VPS41: variants seen among roughly 807,000 people sequenced by gnomAD.
VPS41 encodes the protein vacuolar protein sorting-associated protein 41 homolog.
A neutral mutation model predicts 130.9 loss-of-function variants in VPS41; 85 were observed. The ratio of observed to expected loss-of-function variants is 0.65; its 90% confidence interval spans 0.55 to 0.78. VPS41 has a LOEUF of 0.78. Among genes scored for constraint, VPS41 ranks in the 30% least tolerant of loss-of-function variants. The probability of loss-of-function intolerance (pLI) is 0.00; values close to 1 mark genes in which losing one functional copy is unlikely to be tolerated. For missense variants in VPS41, 874 were observed against 1,018.7 expected (o/e 0.86, Z 1.93); for synonymous variants, 335 against 332.9 (o/e 1.01, Z -0.07).
At chr7:38,829,531 T>C (rs902213926) in intron 5 of VPS41, among the ~76,000 whole-genome samples, 6 of 152,216 alleles carry the variant, frequency 3.9e-5, no homozygotes, top group Admixed American at 3.9e-4. Context: ...ATTAGGATTT[T>C]ATCATTGCAA....
intron 7 of VPS41, among the ~76,000 whole-genome samples, chr7:38,810,268 T>A (rs894489149): frequency 2.0e-5 from 3 of 152,200 alleles, no homozygotes; most frequent in Non-Finnish European, 2.9e-5. Flanking sequence ...AGCCTCCTAG[T>A]CCTAGTCCCT....
At chr7:38,796,564 T>C in intron 8 of VPS41, 181 bp downstream of exon 8, 1 of 863,228 alleles carries the variant, frequency 1.2e-6, no homozygotes, top group South Asian at 1.4e-5. Flanking sequence ...AATTACTATA[T>C]TATGAAAGCC....
chr7:38,748,930 A>G (rs968573672), intron 22 of VPS41, among the ~76,000 whole-genome samples: 1 of 152,142 alleles, frequency 6.6e-6, no homozygotes. Context: ...GACTCTATCC[A>G]CCTAACTGCA....
Position 38,758,557 on chromosome 7 carries a change from T to C in VPS41, c.1423-76A>G, listed in dbSNP as rs895029167. On this transcript the variant is annotated intron_variant, in intron 17 of 28. Transcript: ENST00000310301. ...GTTGTGATATTGTGAAATATACATT[T>C]GGTCCTCCTTCTGTTTCCTGGCATA... The C allele has an allele frequency of 1.5e-5, 22 of 1,422,402 alleles. No homozygotes were observed. In the African/African-American group the frequency reaches 3.1e-4, roughly 20 times the overall value. 88.1% of individuals were successfully genotyped at this position (1,422,402 alleles called of 1,614,324 possible).
chr7:38,726,794 T>A (rs187472651), intron 28 of VPS41, 115 bp downstream of exon 28: 5 of 872,020 alleles, frequency 5.7e-6, no homozygotes, highest in Non-Finnish European at 6.6e-6. Context: ...TAAATCCACA[T>A]TGTAATTTTT....
intron 9 of VPS41, among the ~76,000 whole-genome samples, chr7:38,792,244 G>C (rs140183883): frequency 7.2e-5 from 11 of 152,184 alleles, no homozygotes; most frequent in Non-Finnish European, 1.5e-4. Context: ...CTCATGTCTT[G>C]CATAAGCACA....
At chr7:38,896,603 G>C (rs1271453008) in intron 2 of VPS41, among the ~76,000 whole-genome samples, 2 of 152,184 alleles carry the variant, frequency 1.3e-5, no homozygotes, top group African/African-American at 4.8e-5. Context: ...TGTGGCCCAA[G>C]ACAATTCTTC....
At chr7:38,871,110 A>G (rs1786348729) in intron 2 of VPS41, among the ~76,000 whole-genome samples, 1 of 152,238 alleles carries the variant, frequency 6.6e-6, no homozygotes, top group Admixed American at 6.5e-5. Flanking sequence ...ATTTAAAGAG[A>G]TAACAACAGA....
intron 25 of VPS41, 94 bp from the exon 26 acceptor site, chr7:38,728,885 G>C: frequency 9.0e-7 from 1 of 1,110,450 alleles, no homozygotes; most frequent in Middle Eastern, 2.0e-4. Flanking sequence ...AAGCTGGCAT[G>C]CTTGAAATAC....
chr7:38,878,745 A>C (rs1422881235), intron 2 of VPS41, among the ~76,000 whole-genome samples: 1 of 152,230 alleles, frequency 6.6e-6, no homozygotes, highest in East Asian at 1.9e-4. Context: ...GATCTTAAAA[A>C]AGCTTTCAGT....
At chr7:38,782,734 T>C (rs1784374406) in intron 10 of VPS41, among the ~76,000 whole-genome samples, 1 of 152,184 alleles carries the variant, frequency 6.6e-6, no homozygotes, top group Admixed American at 6.5e-5. Flanking sequence ...GCATAATGAA[T>C]GCCATATGAT....
At chr7:38,907,636 T>C (rs188241033) in intron 1 of VPS41, among the ~76,000 whole-genome samples, 170 of 152,358 alleles carry the variant, frequency 1.1e-3, no homozygotes, top group African/African-American at 3.9e-3. Context: ...TTTGTATGTG[T>C]CATTTTTATA....
At chr7:38,731,077 C>T (rs4723781) in intron 25 of VPS41, among the ~76,000 whole-genome samples, 136,076 of 152,256 alleles carry the variant, frequency 0.89, 60,901 homozygotes, top group East Asian at 0.99. Context: ...TTACTGCTAT[C>T]TCCTACTTCA....
chr7:38,907,628 T>G (rs1486991229), intron 1 of VPS41, among the ~76,000 whole-genome samples: 1 of 152,240 alleles, frequency 6.6e-6, no homozygotes, highest in Non-Finnish European at 1.5e-5. Context: ...TCCCTAATTT[T>G]GTATGTGTCA....
At chr7:38,880,870 T>A (rs1165623705) in intron 2 of VPS41, among the ~76,000 whole-genome samples, 1 of 152,186 alleles carries the variant, frequency 6.6e-6, no homozygotes, top group Admixed American at 6.5e-5. Flanking sequence ...AAACACACTC[T>A]TGAACAATCA....
At chr7:38,769,744 C>A (rs1029278347) in intron 14 of VPS41, among the ~76,000 whole-genome samples, 3 of 152,212 alleles carry the variant, frequency 2.0e-5, no homozygotes, top group African/African-American at 4.8e-5. Context: ...CTTCACCTCT[C>A]CAATCCTATT....
intron 1 of VPS41, 54 bp downstream of exon 1, chr7:38,909,100 G>A: frequency 1.3e-6 from 2 of 1,599,090 alleles, no homozygotes; most frequent in Non-Finnish European, 1.7e-6. Context: ...TCCCCAAACA[G>A]CCCACCCTAG....
At chr7:38,851,783 AG>A (rs1456877707) in intron 4 of VPS41, among the ~76,000 whole-genome samples, 1 of 152,212 alleles carries the variant, frequency 6.6e-6, no homozygotes, top group Non-Finnish European at 1.5e-5. Context: ...AGTGTATGAG[AG>A]TTCTAGTTCC....
At chr7:38,907,434 T>G (rs925596733) in intron 1 of VPS41, among the ~76,000 whole-genome samples, 1 of 152,228 alleles carries the variant, frequency 6.6e-6, no homozygotes, top group Non-Finnish European at 1.5e-5. Context: ...CAGGCTACCG[T>G]AATGGCTGTG....
Sources: allele counts gnomAD v4.1 joint callset (sites outside exome capture counted in the v4.1 genomes callset), GRCh38; gene constraint gnomAD v4.1.1; transcripts MANE v1.5; gene names NCBI Gene and HGNC (gene_info 2026-07-23, HGNC 2026-07-21).